Variants in GULP1 observed in about 807,000 individuals in gnomAD.
GULP1 encodes PTB domain-containing engulfment adapter protein 1.
GULP1 carries 19 observed loss-of-function variants against 40.9 expected under a neutral mutation model. The observed-to-expected ratio is 0.46, with a 90% CI of 0.32 to 0.68. The LOEUF is 0.68. Ranked by LOEUF, GULP1 falls within the 30% of genes least tolerant of loss-of-function variation. The probability of loss-of-function intolerance (pLI) is 0.03; values close to 1 mark genes in which losing one functional copy is unlikely to be tolerated. For synonymous variants in GULP1, 119 were observed against 117.6 expected (o/e 1.01, Z -0.08); for missense variants, 312 against 362.2 (o/e 0.86, Z 1.12).
At chr2:188,434,524 T>C (rs1474610851) in intron 2 of GULP1, among the ~76,000 whole-genome samples, 1 of 148,716 alleles carries the variant, frequency 6.7e-6, no homozygotes, top group Non-Finnish European at 1.5e-5. Flanking sequence ...GAGTCTTATA[T>C]GTTGGATTTT....
chr2:188,449,739 G>T, intron 2 of GULP1, among the ~76,000 whole-genome samples: 1 of 152,182 alleles, frequency 6.6e-6, no homozygotes, highest in East Asian at 1.9e-4. Context: ...TTGGAATCAT[G>T]CCTGGAAATA....
chr2:188,320,705 A>T (rs553416474), intron 1 of GULP1, among the ~76,000 whole-genome samples: 150 of 152,244 alleles, frequency 9.9e-4, no homozygotes, highest in Middle Eastern at 3.4e-3. Context: ...GATTTTCTAT[A>T]CATAATCCTT....
rs1364823496 is a variant in GULP1 at position 188,579,100 on chromosome 2, A to G, written c.610-5165A>G. 4.6e-5 allele frequency among the ~76,000 whole-genome samples: 7 copies of G among 152,168 alleles called. No homozygotes were observed. In the South Asian group the frequency reaches 1.0e-3, roughly 22 times the overall value. ...TGTGCTGGACTTAGATTTCATTTTT[A>G]TAGGGAATTACATATAACATCTGAT... On this transcript the variant is annotated intron_variant, in intron 9 of 11. Coordinates refer to ENST00000409830, the MANE Select transcript of GULP1 (RefSeq NM_016315.4).
intron 1 of GULP1, among the ~76,000 whole-genome samples, chr2:188,326,885 C>T (rs1439090405): frequency 6.6e-6 from 1 of 151,888 alleles, no homozygotes; most frequent in Non-Finnish European, 1.5e-5. Context: ...CTGGACTATG[C>T]TCCTGACTCA....
intron 4 of GULP1, among the ~76,000 whole-genome samples, chr2:188,510,304 T>C (rs2064371638): frequency 6.6e-6 from 1 of 152,124 alleles, no homozygotes; most frequent in Non-Finnish European, 1.5e-5. Context: ...GAATGAAATA[T>C]AGATGCTTAT....
chr2:188,578,082 C>A lies in GULP1; in HGVS notation c.610-6183C>A, dbSNP rs1700518272. Among the ~76,000 whole-genome samples, 5 of 151,716 alleles carry A rather than the reference C, an allele frequency of 3.3e-5. 1 individual carries two copies. Among genetic ancestry groups the A allele is most frequent in the Admixed American group, 1.3e-4 (2 of 15,224 alleles). On this transcript the variant is annotated intron_variant, in intron 9 of 11. Coordinates refer to ENST00000409830, the MANE Select transcript of GULP1 (RefSeq NM_016315.4). ...TAATTGTGATAAATTATATTTTAAT[C>A]TTGACATTTTTGTTTTATGTTTAAA... is the stretch of plus-strand genomic sequence containing the variant.
chr2:188,385,842 C>T (rs1455674822), intron 2 of GULP1, among the ~76,000 whole-genome samples: 11 of 152,152 alleles, frequency 7.2e-5, no homozygotes, highest in Admixed American at 6.5e-5. Flanking sequence ...TTCCTCATCT[C>T]TGTCTGAGAC....
chr2:188,513,741 C>T (rs776876189), intron 4 of GULP1, among the ~76,000 whole-genome samples: 7 of 152,062 alleles, frequency 4.6e-5, no homozygotes, highest in Non-Finnish European at 7.4e-5. Context: ...CACTTGTACT[C>T]ATGTAAACTC....
intron 1 of GULP1, among the ~76,000 whole-genome samples, chr2:188,344,807 T>C (rs13423891): frequency 0.2 from 30,717 of 152,106 alleles, 3,295 homozygotes; most frequent in African/African-American, 0.27. Context: ...TCATTGCAAA[T>C]ACACACATGC....
rs953679023 is a variant in GULP1 at position 188,501,306 on chromosome 2, C to T, written c.90+17814C>T. Among the ~76,000 whole-genome samples, 6 of 151,834 alleles carry T rather than the reference C, an allele frequency of 4.0e-5. No homozygotes were observed. In the South Asian group the frequency reaches 6.2e-4, roughly 16 times the overall value. ...AAGTGTGACACTTTCCTCTCTCTCT[C>T]GTTCTTTCTCCTGCCTCCATGTAAG... On this transcript the variant is annotated intron_variant, in intron 4 of 11. Transcript: ENST00000409830.
chr2:188,498,760 T>A (rs1243287924), intron 4 of GULP1, among the ~76,000 whole-genome samples: 2 of 151,772 alleles, frequency 1.3e-5, no homozygotes, highest in African/African-American at 4.8e-5. Flanking sequence ...AAATGAAAAG[T>A]GTTTGACATG....
chr2:188,583,416 A>G (rs952450502), intron 9 of GULP1, among the ~76,000 whole-genome samples: 2 of 152,186 alleles, frequency 1.3e-5, no homozygotes, highest in East Asian at 1.9e-4. Context: ...TTTCGCCACT[A>G]TTCCCCCAAA....
intron 2 of GULP1, among the ~76,000 whole-genome samples, chr2:188,418,388 T>G (rs1467377233): frequency 6.6e-6 from 1 of 152,160 alleles, no homozygotes; most frequent in African/African-American, 2.4e-5. Flanking sequence ...TCCCAGCACT[T>G]TGGGAGGCCA....
intron 4 of GULP1, among the ~76,000 whole-genome samples, chr2:188,501,680 A>C (rs2063449886): frequency 6.6e-6 from 1 of 151,922 alleles, no homozygotes; most frequent in Non-Finnish European, 1.5e-5. Flanking sequence ...AAAAATTGTC[A>C]AGAAGAGTAA....
chr2:188,449,452 C>T lies in GULP1; in HGVS notation c.-44-28207C>T, dbSNP rs531036919. On this transcript the variant is annotated intron_variant, in intron 2 of 11. Coordinates refer to ENST00000409830, the MANE Select transcript of GULP1 (RefSeq NM_016315.4). ...AACCCCAATACATCTATTTATTTTGCTCACTAAGGATATTGTGTAGAATGA... is the reference window on the plus strand; with the variant it reads ...AACCCCAATACATCTATTTATTTTGTTCACTAAGGATATTGTGTAGAATGA... Among the ~76,000 whole-genome samples, 6 of 152,196 alleles carry T rather than the reference C, an allele frequency of 3.9e-5. No homozygotes were observed. The East Asian group carries it at 5.8e-4, about 15-fold the overall frequency.
At chr2:188,570,704 T>C (rs1472879168) in intron 9 of GULP1, among the ~76,000 whole-genome samples, 1 of 152,212 alleles carries the variant, frequency 6.6e-6, no homozygotes, top group Non-Finnish European at 1.5e-5. Context: ...ATATCATTAT[T>C]ACATGATTTT....
At chr2:188,408,993 G>A (rs946378105) in intron 2 of GULP1, among the ~76,000 whole-genome samples, 5 of 152,016 alleles carry the variant, frequency 3.3e-5, no homozygotes, top group African/African-American at 1.2e-4. Context: ...TAGCAAAACA[G>A]TTCTAAGAAG....
chr2:188,419,630 C>T (rs1174305271), intron 2 of GULP1, among the ~76,000 whole-genome samples: 2 of 151,228 alleles, frequency 1.3e-5, no homozygotes, highest in African/African-American at 4.9e-5. Context: ...ATGTGTCTTG[C>T]AGTATTTCCT....
At chr2:188,556,336 A>T (rs997530161) in intron 7 of GULP1, among the ~76,000 whole-genome samples, 2 of 152,122 alleles carry the variant, frequency 1.3e-5, no homozygotes, top group African/African-American at 2.4e-5. Context: ...ATTATCGAAG[A>T]TATCATTATG....
Sources: gnomAD v4.1 joint callset for allele counts (sites outside exome capture counted in the v4.1 genomes callset) on GRCh38, gnomAD v4.1.1 for gene constraint, MANE v1.5 for transcripts, NCBI Gene and HGNC (gene_info 2026-07-23, HGNC 2026-07-21) for gene names.